The following ZSCAN29 variants were observed in gnomAD, a reference collection of about 807,000 sequenced individuals.
ZSCAN29 encodes the protein zinc finger and SCAN domain-containing protein 29.
ZSCAN29 carries 55 observed loss-of-function variants against 71.9 expected under a neutral mutation model. That is an observed-to-expected ratio of 0.76 (90% CI 0.62 to 0.96). The LOEUF (loss-of-function observed/expected upper bound fraction) is 0.96, where lower values mean the gene tolerates loss of function less well. Ranked by LOEUF, ZSCAN29 falls within the 40% of genes least tolerant of loss-of-function variation. The pLI is 0.00. For synonymous variants in ZSCAN29, 351 were observed against 371.6 expected (o/e 0.94, Z 0.64); for missense variants, 1,042 against 1,042.2 (o/e 1.00, Z 0.00).
In ZSCAN29 at chr15:43,369,849, C is replaced by T; in HGVS notation, c.65G>A (p.Arg22Lys). 6.2e-7 allele frequency: 1 copy of T among 1,613,756 alleles called. No individual in the cohort carries two copies. Among genetic ancestry groups the T allele is most frequent in the Non-Finnish European group, 8.5e-7 (1 of 1,180,040 alleles). Residue 22 changes from arginine (R) to lysine (K), a missense_variant, in exon 2 of 6, where the codon AGG becomes AAG. Transcript: ENST00000684362. ...TNSETFRQRF[R>K]RFHYQEVAGP... is the part of the protein sequence containing the mutation. ...AGCCACCTCCTGGTAATGGAATCTCCTGAAACGCTGTCGGAAGGTCTCAGA... is the reference window on the plus strand; with the variant it reads ...AGCCACCTCCTGGTAATGGAATCTCTTGAAACGCTGTCGGAAGGTCTCAGA...
intron 4 of ZSCAN29, among the ~76,000 whole-genome samples, chr15:43,364,927 A>G (rs993704915): frequency 2.6e-5 from 4 of 151,780 alleles, no homozygotes; most frequent in Non-Finnish European, 5.9e-5. Context: ...TGAAAGAACA[A>G]TGATAATGAA....
At position 43,370,703 on chromosome 15, in the gene ZSCAN29, G is replaced by A. The variant is rs937648996; in HGVS notation, c.-258C>T. ...CTTCCTGAGGACGGGCTCGGGTGTC[G>A]GCCAGAGGCTCCAGGTGCTGCCGGT... On this transcript the variant is annotated 5_prime_UTR_variant, in exon 1 of 6. Transcript: ENST00000684362. The A allele has an allele frequency of 6.5e-6, 1 of 152,694 alleles. No homozygotes were observed. Among genetic ancestry groups the A allele is most frequent in the Non-Finnish European group, 1.5e-5 (1 of 68,416 alleles). 9.5% of individuals were successfully genotyped at this position (152,694 alleles called of 1,614,324 possible).
In ZSCAN29 at chr15:43,366,790, G is replaced by T. The variant is rs2044044914; in HGVS notation, c.542C>A (p.Ser181Tyr). Residue 181 changes from serine (S) to tyrosine (Y), a missense_variant, in exon 4 of 6, where the codon TCC (serine) becomes TAC (tyrosine). Coordinates refer to ENST00000684362, the MANE Select transcript of ZSCAN29 (RefSeq NM_001372080.1). The part of the protein sequence containing the change: ...FQRSGLPFPK[S>Y]GVVSRLEQGE... ...TTGCTCCAACCTGGAGACCACACCG[G>T]ATTTAGGAAATGGCAATCCTGCTTG... The T allele has an allele frequency of 1.2e-6, 2 of 1,609,640 alleles. No homozygotes were observed. The highest frequency in any genetic ancestry group is 1.7e-6 in the Non-Finnish European group (2 of 1,178,616).
rs1240691441 is a variant in ZSCAN29 at position 43,370,626 on chromosome 15, GGA to G, written c.-183_-182del. 3.3e-5 allele frequency: 5 copies of G among 152,848 alleles called. No individual in the cohort carries two copies. The highest frequency in any genetic ancestry group is 5.8e-5 in the Non-Finnish European group (4 of 68,548). 9.5% of individuals were successfully genotyped at this position (152,848 alleles called of 1,614,324 possible). On this transcript the variant is annotated 5_prime_UTR_variant, in exon 1 of 6. Transcript: ENST00000684362. ...CAAAGCGAGGACCATGGGGGCTTGG[GGA>G]GAGTCACATTGGGCAGGAGAGACGG...
intron 3 of ZSCAN29, among the ~76,000 whole-genome samples, 185 bp from the exon 4 acceptor site, chr15:43,366,993 T>C (rs191651541): frequency 6.6e-6 from 1 of 152,186 alleles, no homozygotes; most frequent in African/African-American, 2.4e-5. Context: ...AGATGAGAAA[T>C]GTTTTATTTT....
In ZSCAN29 at chr15:43,363,471, AAC is replaced by A. The variant is rs532512511; in HGVS notation, c.1690+442_1690+443del. Among the ~76,000 whole-genome samples the A allele has an allele frequency of 1.5e-3, 235 of 152,352 alleles. 1 individual carries two copies. The highest frequency in any genetic ancestry group is 5.4e-3 in the African/African-American group (224 of 41,588). ...GAACCTCAGATTCATAAAAGTGAAC[AAC>A]AGTTATCAGATTTTCATAAATGTGA... On this transcript the variant is annotated intron_variant, in intron 5 of 5. Transcript: ENST00000684362.
chr15:43,363,230 C>A (rs530383384), intron 5 of ZSCAN29, among the ~76,000 whole-genome samples: 1 of 152,178 alleles, frequency 6.6e-6, no homozygotes, highest in Admixed American at 6.5e-5. Flanking sequence ...CTGCCCGCCT[C>A]GGCCTCCCAA....
At position 43,361,147 on chromosome 15, in the gene ZSCAN29, T is replaced by G; in HGVS notation, c.2485A>C (p.Lys829Gln). The change falls in exon 6 of 6, where the codon AAA becomes CAA. Residue 829 changes from lysine (K) to glutamine (Q), a missense_variant. Coordinates refer to ENST00000684362, the MANE Select transcript of ZSCAN29 (RefSeq NM_001372080.1). ...CCGTGCTTATTAAGGGCAGAGCTTTTACTGAAGCACTTACCACAGTCATGA... is the reference window on the plus strand; with the variant it reads ...CCGTGCTTATTAAGGGCAGAGCTTTGACTGAAGCACTTACCACAGTCATGA... ...GCHDCGKCFS[K>Q]SSALNKHGEI... The G allele has an allele frequency of 6.2e-7, 1 of 1,614,016 alleles. No homozygotes were observed. The highest frequency in any genetic ancestry group is 8.5e-7 in the Non-Finnish European group (1 of 1,179,858).
At chr15:43,362,810 T>C (rs1216934574) in intron 5 of ZSCAN29, among the ~76,000 whole-genome samples, 1 of 152,186 alleles carries the variant, frequency 6.6e-6, no homozygotes, top group Non-Finnish European at 1.5e-5. Flanking sequence ...TAGTAGAATA[T>C]ATTAATACCC....
At position 43,368,934 on chromosome 15, in the gene ZSCAN29, A is replaced by C; in HGVS notation, c.512T>G (p.Phe171Cys). The C allele has an allele frequency of 6.2e-7, 1 of 1,602,422 alleles. No homozygotes were observed. Among genetic ancestry groups the C allele is most frequent in the Non-Finnish European group, 8.5e-7 (1 of 1,175,270 alleles). The change falls in exon 3 of 6, where the codon TTT (phenylalanine) becomes TGT (cysteine). Residue 171 changes from phenylalanine to cysteine, a missense_variant. Transcript: ENST00000684362. Reference protein sequence around the residue: ...QMNPKEKLKPFQRSGLPFPKS... With the variant: ...QMNPKEKLKPCQRSGLPFPKS... ...AATCTACTCCTCACCGCTCCTTTGA[A>C]AAGGTTTGAGCTTCTCCTTTGGGTT...
Position 43,369,105 on chromosome 15 carries a change from T to G in ZSCAN29, c.341A>C (p.Gln114Pro). The G allele has an allele frequency of 1.9e-6, 3 of 1,587,506 alleles. No homozygotes were observed. Among genetic ancestry groups the G allele is most frequent in the Non-Finnish European group, 2.6e-6 (3 of 1,163,420 alleles). ...TGTCATCTTCTCCAAGCGCACTTCC[T>G]GCCCCTTCACAGAGACTGTGACCTA... ...RSSVTVSVKG[Q>P]EVRLEKMTPP... is the part of the protein sequence containing the mutation. The change falls in exon 3 of 6, where the codon CAG becomes CCG. Residue 114 changes from glutamine (Q) to proline (P), a missense_variant. Physicochemically the swap from Gln to Pro is moderately conservative, Grantham distance 76. Coordinates refer to ENST00000684362, the MANE Select transcript of ZSCAN29 (RefSeq NM_001372080.1).
intron 5 of ZSCAN29, 159 bp downstream of exon 5, chr15:43,363,756 C>T: frequency 6.5e-6 from 4 of 612,350 alleles, no homozygotes; most frequent in Non-Finnish European, 1.1e-5. Context: ...TAATTTATAT[C>T]CCCTCAGTGA....
chr15:43,369,361 AT>A, intron 2 of ZSCAN29: 1 of 593,096 alleles, frequency 1.7e-6, no homozygotes, highest in South Asian at 3.0e-5. Flanking sequence ...AAAAAAAAAA[AT>A]CCCCTTTCTT....
rs1347454302 is a variant in ZSCAN29, at chr15:43,369,588, C to T, written c.318+8G>A. On this transcript the variant is annotated splice_region_variant and intron_variant, in intron 2 of 5. Transcript: ENST00000684362. Reference sequence around the variant, plus strand: ...ACTTTTGAATTTGAATTCCCCCTCCCTTCTCACCGAAGATCTAGGTCTTCC... The same window carrying T: ...ACTTTTGAATTTGAATTCCCCCTCCTTTCTCACCGAAGATCTAGGTCTTCC... 3 of 1,608,160 alleles carry T rather than the reference C, an allele frequency of 1.9e-6. No homozygotes were observed. The Admixed American group carries it at 5.0e-5, about 27-fold the overall frequency.
rs749825808 is a variant in ZSCAN29, at chr15:43,361,373, C to G, written c.2259G>C (p.Gln753His). Residue 753 changes from glutamine (Q) to histidine (H), a missense_variant, in exon 6 of 6, where the codon CAG becomes CAC. Transcript: ENST00000684362. Reference sequence around the variant, plus strand: ...AGGGCTTTTCTCCTGTGTGGGTTCTCTGGTGAATGATAAGGCTTGAGCTCT... The same window carrying G: ...AGGGCTTTTCTCCTGTGTGGGTTCTGTGGTGAATGATAAGGCTTGAGCTCT... ...FNQSSSLIIH[Q>H]RTHTGEKPYQ... 1.9e-6 allele frequency: 3 copies of G among 1,614,028 alleles called. No homozygotes were observed. Among genetic ancestry groups the G allele is most frequent in the Non-Finnish European group, 2.5e-6 (3 of 1,180,044 alleles).
At chr15:43,363,764 T>G in intron 5 of ZSCAN29, 151 bp downstream of exon 5, 4 of 672,296 alleles carry the variant, frequency 5.9e-6, no homozygotes, top group African/African-American at 1.8e-5. Context: ...ATCCCCTCAG[T>G]GAGCTGCTTT....
rs754137715 is a variant in ZSCAN29, at chr15:43,369,556, G to A, written c.318+40C>T. On this transcript the variant is annotated intron_variant, in intron 2 of 5. Coordinates refer to ENST00000684362, the MANE Select transcript of ZSCAN29 (RefSeq NM_001372080.1). Reference sequence around the variant, plus strand: ...ATATCTTAATTTAGCCCTCCACCCAGTATCACACTTTTGAATTTGAATTCC... The same window carrying A: ...ATATCTTAATTTAGCCCTCCACCCAATATCACACTTTTGAATTTGAATTCC... The A allele has an allele frequency of 5.7e-6, 9 of 1,580,442 alleles. No individual in the cohort carries two copies. The Admixed American group carries it at 1.4e-4, about 24-fold the overall frequency.
intron 3 of ZSCAN29, among the ~76,000 whole-genome samples, chr15:43,367,775 A>G (rs2044054224): frequency 6.6e-6 from 1 of 152,200 alleles, no homozygotes; most frequent in Non-Finnish European, 1.5e-5. Context: ...GAACTCTGCA[A>G]GTCTGTGTGT....
Position 43,369,372 on chromosome 15 carries a change from TC to T in ZSCAN29, c.318+223del. On this transcript the variant is annotated intron_variant, in intron 2 of 5. Transcript: ENST00000684362. Reference sequence around the variant, plus strand: ...GCTGAAAAAAAAAAATCCCCTTTCTTCCCTATTAAGAAACTATAGGAAAAAC... The same window carrying T: ...GCTGAAAAAAAAAAATCCCCTTTCTTCCTATTAAGAAACTATAGGAAAAAC... The T allele has an allele frequency of 1.2e-5, 7 of 595,826 alleles. No homozygotes were observed. The South Asian group carries it at 2.1e-4, about 18-fold the overall frequency. The allele number at this position is 595,826 out of a possible 1,614,324, so 36.9% of individuals were successfully genotyped here.
Sources: allele counts gnomAD v4.1 joint callset (sites outside exome capture counted in the v4.1 genomes callset), GRCh38; gene constraint gnomAD v4.1.1; transcripts MANE v1.5; gene names NCBI Gene and HGNC (gene_info 2026-07-23, HGNC 2026-07-21).